ZNF519: variants seen among roughly 807,000 people sequenced by gnomAD.
ZNF519 encodes the protein similar to Zinc finger protein 85 (Zinc finger protein HPF4) (HTF1).
Under a neutral mutation model 7.4 loss-of-function variants are expected in ZNF519, and 7 were observed. That is an observed-to-expected ratio of 0.94 (90% CI 0.54 to 1.77). ZNF519 has a LOEUF of 1.77. Among genes scored for constraint, ZNF519 ranks in the 40% most tolerant of loss-of-function variants. The pLI is 0.00. For synonymous variants in ZNF519, 179 were observed against 203.3 expected (o/e 0.88, Z 1.02); for missense variants, 586 against 623.1 (o/e 0.94, Z 0.63).
At chr18:14,092,331 T>A (rs1008580731) in intron 2 of ZNF519, among the ~76,000 whole-genome samples, 16 of 152,020 alleles carry the variant, frequency 1.1e-4, no homozygotes, top group Admixed American at 3.9e-4. Context: ...TGCATGTGGA[T>A]GGGAAATTGG....
At chr18:14,121,812 C>T (rs1019997459) in intron 2 of ZNF519, 5 of 151,916 alleles carry the variant, frequency 3.3e-5, no homozygotes, top group Non-Finnish European at 5.9e-5. Flanking sequence ...AGCAGGCTCC[C>T]TACTAAATAA....
chr18:14,125,570 G>T (rs1196114530), intron 1 of ZNF519, among the ~76,000 whole-genome samples: 2 of 152,154 alleles, frequency 1.3e-5, no homozygotes, highest in Non-Finnish European at 2.9e-5. Context: ...ATACGGAAAG[G>T]AACTGTTAAC....
At chr18:14,113,521 T>G (rs150424209) in intron 2 of ZNF519, among the ~76,000 whole-genome samples, 6 of 152,198 alleles carry the variant, frequency 3.9e-5, no homozygotes, top group Non-Finnish European at 5.9e-5. Flanking sequence ...GTGTCATAGG[T>G]GTGCATCCTT....
At position 14,100,280 on chromosome 18, in the gene ZNF519, G is replaced by A. The variant is rs1567944230; in HGVS notation, c.*4637C>T. On this transcript the variant is annotated 3_prime_UTR_variant, in exon 3 of 3. Coordinates refer to ENST00000590202, the MANE Select transcript of ZNF519 (RefSeq NM_145287.4). ...GCTAGTTTCTATTAAAATTAAACTT[G>A]TAACTACCCTATGAGCCAGGAATTG... The A allele has an allele frequency of 1.3e-5, 2 of 152,090 alleles. No homozygotes were observed. The highest frequency in any genetic ancestry group is 3.9e-4 in the East Asian group (2 of 5,184). 9.4% of individuals were successfully genotyped at this position (152,090 alleles called of 1,614,324 possible).
At chr18:14,116,430 C>A (rs1233984627) in intron 2 of ZNF519, among the ~76,000 whole-genome samples, 1 of 152,002 alleles carries the variant, frequency 6.6e-6, no homozygotes, top group Non-Finnish European at 1.5e-5. Context: ...GATTACAAAG[C>A]TACATAAATA....
At chr18:14,073,232 TTTTATTTTTATA>T (rs2046034446), downstream of ZNF519, 1 of 148,680 alleles carries the variant, frequency 6.7e-6, no homozygotes, top group Non-Finnish European at 1.5e-5. Context: ...GCATGGAAAT[TTTTATTTTTATA>T]TTTATTTATT....
intron 1 of ZNF519, among the ~76,000 whole-genome samples, chr18:14,125,080 C>G (rs184480928): frequency 6.4e-4 from 97 of 152,288 alleles, no homozygotes; most frequent in Non-Finnish European, 1.1e-3. Context: ...CCTGTTAATG[C>G]TGATATTCCT....
chr18:14,082,235 CATT>C (rs1473295411), intron 3 of ZNF519: 1 of 152,038 alleles, frequency 6.6e-6, no homozygotes, highest in Non-Finnish European at 1.5e-5. Flanking sequence ...ATAATCATAG[CATT>C]ATATCTCAGA....
At chr18:14,099,789 A>G (rs1263808842), downstream of ZNF519, 3 of 152,202 alleles carry the variant, frequency 2.0e-5, no homozygotes, top group Non-Finnish European at 4.4e-5. Context: ...GCTAAATTAA[A>G]TAGGGTTCCA....
At chr18:14,111,630 A>G (rs142646426) in intron 2 of ZNF519, among the ~76,000 whole-genome samples, 25 of 152,262 alleles carry the variant, frequency 1.6e-4, no homozygotes, top group African/African-American at 5.3e-4. Context: ...CAGGAATTCA[A>G]GATCATTAGT....
At chr18:14,092,205 G>A (rs1253495400) in intron 2 of ZNF519, among the ~76,000 whole-genome samples, 1 of 151,982 alleles carries the variant, frequency 6.6e-6, no homozygotes, top group Non-Finnish European at 1.5e-5. Flanking sequence ...GAGACTTGCT[G>A]ATGTCTATGG....
At chr18:14,112,317 C>T (rs1201897621) in intron 2 of ZNF519, among the ~76,000 whole-genome samples, 3 of 152,082 alleles carry the variant, frequency 2.0e-5, no homozygotes, top group Non-Finnish European at 4.4e-5. Context: ...AAACATACCT[C>T]AACATATAAA....
At position 14,106,105 on chromosome 18, in the gene ZNF519, A is replaced by G. The variant is rs1315632104; in HGVS notation, c.435T>C (p.Tyr145=). 4 of 1,606,814 alleles carry G rather than the reference A, an allele frequency of 2.5e-6. No homozygotes were observed. The highest frequency in any genetic ancestry group is 3.4e-6 in the Non-Finnish European group (4 of 1,178,308). ...AGACAGATTTCAAAAATTTATGTTG[A>G]TATTTATTCATAGGAATACATGGTT... is the stretch of plus-strand genomic sequence containing the variant. ...PTEPCIPMNK[Y]QHKFLKSVFC... Residue 145 remains tyrosine, a synonymous_variant, in exon 3 of 3, where the codon TAT becomes TAC. Transcript: ENST00000590202.
chr18:14,120,191 A>T (rs2046263835), intron 2 of ZNF519, among the ~76,000 whole-genome samples: 1 of 151,998 alleles, frequency 6.6e-6, no homozygotes, highest in African/African-American at 2.4e-5. Flanking sequence ...GTATGTGCAT[A>T]AAAACAGATA....
chr18:14,123,269 T>C (rs1229815020), intron 2 of ZNF519: 2 of 159,820 alleles, frequency 1.3e-5, no homozygotes, highest in Non-Finnish European at 2.8e-5. Flanking sequence ...GATTCTCCAA[T>C]TACCAACCTA....
At chr18:14,094,175 T>C (rs149359156) in intron 2 of ZNF519, among the ~76,000 whole-genome samples, 41 of 151,900 alleles carry the variant, frequency 2.7e-4, no homozygotes, top group Non-Finnish European at 4.9e-4. Context: ...TGGAGCTCTG[T>C]ATGCCTGGGG....
chr18:14,117,574 G>A (rs140996364), intron 2 of ZNF519, among the ~76,000 whole-genome samples: 5 of 152,172 alleles, frequency 3.3e-5, no homozygotes, highest in African/African-American at 9.6e-5. Context: ...CACTGTATTC[G>A]TTTATTATTG....
At chr18:14,078,327 C>A (rs1157316352) in intron 3 of ZNF519, 1 of 152,120 alleles carries the variant, frequency 6.6e-6, no homozygotes, top group African/African-American at 2.4e-5. Context: ...AGGGGAGAAG[C>A]TGTATAATTC....
rs1260850968 is a variant in ZNF519, at chr18:14,100,072, GATA to G, written c.*4842_*4844del. 7 of 152,100 alleles carry G rather than the reference GATA, an allele frequency of 4.6e-5. No individual in the cohort carries two copies. Among genetic ancestry groups the G allele is most frequent in the South Asian group, 2.1e-4 (1 of 4,820 alleles). The allele number at this position is 152,100 out of a possible 1,614,324, so 9.4% of individuals were successfully genotyped here. On this transcript the variant is annotated 3_prime_UTR_variant, in exon 3 of 3. Coordinates refer to ENST00000590202, the MANE Select transcript of ZNF519 (RefSeq NM_145287.4). ...AGACATGAATAAACATTTCATCAGA[GATA>G]ATAGGCAGATGTCATATGAGAACAT...
Sources: gnomAD v4.1 joint callset for allele counts (sites outside exome capture counted in the v4.1 genomes callset) on GRCh38, gnomAD v4.1.1 for gene constraint, MANE v1.5 for transcripts, NCBI Gene and HGNC (gene_info 2026-07-23, HGNC 2026-07-21) for gene names.